Variants in DZIP1 observed in about 807,000 individuals in gnomAD.
DZIP1 encodes cilium assembly protein DZIP1.
DZIP1 carries 97 observed loss-of-function variants against 107.6 expected under a neutral mutation model. The observed-to-expected ratio is 0.90, with a 90% CI of 0.77 to 1.07. The LOEUF (loss-of-function observed/expected upper bound fraction) is 1.07, where lower values mean the gene tolerates loss of function less well. Among genes scored for constraint, DZIP1 ranks in the 50% least tolerant of loss-of-function variants. The probability of loss-of-function intolerance (pLI) is 0.00; values close to 1 mark genes in which losing one functional copy is unlikely to be tolerated. For synonymous variants in DZIP1, 390 were observed against 386.4 expected (o/e 1.01, Z -0.11); for missense variants, 1,035 against 1,063.6 (o/e 0.97, Z 0.37).
Position 95,580,181 on chromosome 13 carries a change from A to G in DZIP1, c.*2053T>C, listed in dbSNP as rs1329881654. On this transcript the variant is annotated 3_prime_UTR_variant, in exon 23 of 23. Transcript: ENST00000376829. ...GAAACCTCATCTCTACTAAAAATACAAAAAATTAAGCCAGGCATGGTGGTG... is the reference window on the plus strand; with the variant it reads ...GAAACCTCATCTCTACTAAAAATACGAAAAATTAAGCCAGGCATGGTGGTG... 1 of 152,094 alleles carries G rather than the reference A, an allele frequency of 6.6e-6. No homozygotes were observed. Among genetic ancestry groups the G allele is most frequent in the Non-Finnish European group, 1.5e-5 (1 of 68,046 alleles). 9.4% of individuals were successfully genotyped at this position (152,094 alleles called of 1,614,324 possible).
intron 5 of DZIP1, among the ~76,000 whole-genome samples, chr13:95,640,082 T>C (rs1878317271): frequency 6.6e-6 from 1 of 151,822 alleles, no homozygotes; most frequent in African/African-American, 2.4e-5. Context: ...AACCTCCGCC[T>C]CCTGGGTTTA....
intron 7 of DZIP1, among the ~76,000 whole-genome samples, chr13:95,629,480 T>A (rs1009375049): frequency 2.6e-5 from 4 of 151,974 alleles, no homozygotes; most frequent in Admixed American, 6.5e-5. Flanking sequence ...TTGGTGGCTT[T>A]GAGTATGGAG....
intron 11 of DZIP1, 133 bp downstream of exon 11, chr13:95,611,904 G>T (rs2045019748): frequency 3.5e-6 from 4 of 1,130,330 alleles, no homozygotes; most frequent in Non-Finnish European, 4.8e-6. Flanking sequence ...ACTTTTACAA[G>T]CAATCACAAG....
chr13:95,613,304 G>C (rs369960294), intron 10 of DZIP1, among the ~76,000 whole-genome samples: 80 of 152,272 alleles, frequency 5.3e-4, no homozygotes, highest in African/African-American at 1.7e-3. Flanking sequence ...CTTGAGGTCA[G>C]GAGTTTCAGA....
rs2043985325 is a variant in DZIP1 at position 95,579,513 on chromosome 13, T to A, written c.*2721A>T. 1 of 152,246 alleles carries A rather than the reference T, an allele frequency of 6.6e-6. No individual in the cohort carries two copies. The highest frequency in any genetic ancestry group is 2.4e-5 in the African/African-American group (1 of 41,456). The allele number at this position is 152,246 out of a possible 1,614,324, so 9.4% of individuals were successfully genotyped here. On this transcript the variant is annotated 3_prime_UTR_variant, in exon 23 of 23. Coordinates refer to ENST00000376829, the MANE Select transcript of DZIP1 (RefSeq NM_198968.4). ...TAATTTGCCACAGTAATGTCGAAAC[T>A]AGGCCTTTGAACCAAGGCAGTCTAG...
chr13:95,608,405 A>G (rs966406152), intron 13 of DZIP1, among the ~76,000 whole-genome samples: 1 of 150,546 alleles, frequency 6.6e-6, no homozygotes, highest in East Asian at 2.0e-4. Context: ...AATTTTGCAT[A>G]CTCCATTTGG....
chr13:95,597,209 C>T (rs2138915093), intron 15 of DZIP1, among the ~76,000 whole-genome samples: 1 of 152,316 alleles, frequency 6.6e-6, no homozygotes, highest in South Asian at 2.1e-4. Context: ...TACAAGACCA[C>T]TCTGGGTGAT....
At chr13:95,633,110 C>G (rs780615510) in intron 6 of DZIP1, 124 bp downstream of exon 6, 22 of 875,016 alleles carry the variant, frequency 2.5e-5, no homozygotes, top group Non-Finnish European at 3.0e-5. Context: ...TATTTACTTA[C>G]TGAATTGACA....
intron 17 of DZIP1, 37 bp downstream of exon 17, chr13:95,590,241 TA>T: frequency 6.6e-7 from 1 of 1,516,594 alleles, no homozygotes; most frequent in Non-Finnish European, 8.8e-7. Flanking sequence ...AAAAAGTTGT[TA>T]AATTAAGCTC....
Position 95,624,837 on chromosome 13 carries a change from C to T in DZIP1, c.903G>A (p.Met301Ile), listed in dbSNP as rs1462312909. The change falls in exon 8 of 23, where the codon ATG becomes ATA. Residue 301 changes from methionine (M) to isoleucine (I), a missense_variant. Met to Ile is a conservative substitution (Grantham distance 10). Transcript: ENST00000376829. ...TCATAAACATCTCCTTGACTTTTTCCATTTCATCAACTAGTTTCTCCTTTT... is the reference window on the plus strand; with the variant it reads ...TCATAAACATCTCCTTGACTTTTTCTATTTCATCAACTAGTTTCTCCTTTT... ...EEEKEKLVDE[M>I]EKVKEMFMKE... is the part of the protein sequence containing the mutation. 31 of 1,611,858 alleles carry T rather than the reference C, an allele frequency of 1.9e-5. No homozygotes were observed. The highest frequency in any genetic ancestry group is 2.3e-5 in the Non-Finnish European group (27 of 1,178,652).
At chr13:95,618,217 C>G (rs1225436871) in intron 10 of DZIP1, among the ~76,000 whole-genome samples, 2 of 152,206 alleles carry the variant, frequency 1.3e-5, no homozygotes, top group Non-Finnish European at 2.9e-5. Context: ...CACTCCTACT[C>G]CCTTCTGTAC....
chr13:95,620,572 A>G (rs752653709), intron 9 of DZIP1, among the ~76,000 whole-genome samples: 7 of 152,228 alleles, frequency 4.6e-5, no homozygotes, highest in Non-Finnish European at 1.0e-4. Context: ...TGGGGGCCAG[A>G]CAACTTGGTC....
chr13:95,595,134 T>C (rs2044409788), intron 15 of DZIP1, among the ~76,000 whole-genome samples: 1 of 152,232 alleles, frequency 6.6e-6, no homozygotes, highest in South Asian at 2.1e-4. Flanking sequence ...TTCCTAGGTG[T>C]AGGGCTCCAG....
rs1264315650 is a variant in DZIP1, at chr13:95,581,241, A to T, written c.*993T>A. The stretch of plus-strand genomic sequence containing the variant: ...TATAACCAAGTTATAAAAATGCAAA[A>T]AACAGCTTATAAGAACTTTCTTTCG... On this transcript the variant is annotated 3_prime_UTR_variant, in exon 23 of 23. Transcript: ENST00000376829. 2 of 152,650 alleles carry T rather than the reference A, an allele frequency of 1.3e-5. No homozygotes were observed. The highest frequency in any genetic ancestry group is 4.8e-5 in the African/African-American group (2 of 41,456). The allele number at this position is 152,650 out of a possible 1,614,324, so 9.5% of individuals were successfully genotyped here.
chr13:95,623,621 GTCT>G (rs1876171063), intron 8 of DZIP1, among the ~76,000 whole-genome samples: 1 of 152,154 alleles, frequency 6.6e-6, no homozygotes, highest in South Asian at 2.1e-4. Context: ...TCACAAAATA[GTCT>G]TCTTTTTTTC....
At chr13:95,618,573 T>A (rs1875432966) in intron 10 of DZIP1, among the ~76,000 whole-genome samples, 1 of 152,236 alleles carries the variant, frequency 6.6e-6, no homozygotes, top group Admixed American at 6.5e-5. Context: ...TTTTGTGAAA[T>A]ATTTTTATTT....
At position 95,584,752 on chromosome 13, in the gene DZIP1, C is replaced by T; in HGVS notation, c.2508G>A (p.Lys836=). 1 of 1,613,644 alleles carries T rather than the reference C, an allele frequency of 6.2e-7. No homozygotes were observed. Among genetic ancestry groups the T allele is most frequent in the Non-Finnish European group, 8.5e-7 (1 of 1,179,778 alleles). ...VLNAWGAFNP[K]GPKGEGLQEN... is the part of the protein sequence containing the mutation. ...GCAGCAAACCTTCTCCCTTTGGCCCCTTAGGATTAAATGCGCCCCAGGCAT... is the reference window on the plus strand; with the variant it reads ...GCAGCAAACCTTCTCCCTTTGGCCCTTTAGGATTAAATGCGCCCCAGGCAT... The change falls in exon 22 of 23, where the codon AAG becomes AAA. Residue 836 remains lysine (K), a synonymous_variant. Transcript: ENST00000376829.
rs1416518164 is a variant in DZIP1, at chr13:95,643,155, A to G, written c.-325T>C. On this transcript the variant is annotated 5_prime_UTR_variant, in exon 3 of 23. Coordinates refer to ENST00000376829, the MANE Select transcript of DZIP1 (RefSeq NM_198968.4). ...TTCTATGGGTCTTCTGGGGGCCTCCAGTGGTTACCACAGAGATCAATAAGC... is the reference window on the plus strand; with the variant it reads ...TTCTATGGGTCTTCTGGGGGCCTCCGGTGGTTACCACAGAGATCAATAAGC... 1 of 152,202 alleles carries G rather than the reference A, an allele frequency of 6.6e-6. No homozygotes were observed. Among genetic ancestry groups the G allele is most frequent in the East Asian group, 1.9e-4 (1 of 5,200 alleles). The allele number at this position is 152,202 out of a possible 1,614,324, so 9.4% of individuals were successfully genotyped here.
intron 8 of DZIP1, among the ~76,000 whole-genome samples, chr13:95,624,335 T>C (rs1465968399): frequency 6.6e-6 from 1 of 152,190 alleles, no homozygotes; most frequent in East Asian, 1.9e-4. Context: ...GGGGCTCACT[T>C]AGCCATAACT....
Sources: allele counts gnomAD v4.1 joint callset (sites outside exome capture counted in the v4.1 genomes callset), GRCh38; gene constraint gnomAD v4.1.1; transcripts MANE v1.5; gene names NCBI Gene and HGNC (gene_info 2026-07-23, HGNC 2026-07-21).